The following NAGK variants were observed in gnomAD, a reference collection of about 807,000 sequenced individuals.
NAGK encodes N-acetyl-D-glucosamine kinase.
Under a neutral mutation model 42.9 loss-of-function variants are expected in NAGK, and 35 were observed. The ratio of observed to expected loss-of-function variants is 0.82; its 90% CI spans 0.62 to 1.08. The LOEUF (loss-of-function observed/expected upper bound fraction) is 1.08. Ranked by LOEUF, NAGK falls within the 50% of genes least tolerant of loss-of-function variation. The pLI is 0.00. For synonymous variants in NAGK, 172 were observed against 176.0 expected, an observed-to-expected ratio of 0.98 and a Z score of 0.18; for missense variants, 446 against 446.0, an observed-to-expected ratio of 1.00 and a Z score of 0.00.
At chr2:71,068,535 C>T (rs1347950283), upstream of NAGK, 2 of 1,466,298 alleles carry the variant, frequency 1.4e-6, no homozygotes, top group South Asian at 1.3e-5. Flanking sequence ...TACCGGCGCC[C>T]CGCCCCGCGC....
chr2:71,076,751 C>G, intron 8 of NAGK, 50 bp downstream of exon 8: 1 of 1,480,896 alleles, frequency 6.8e-7, no homozygotes, highest in East Asian at 2.3e-5. Context: ...GAGGAGTGGT[C>G]CTTTCCCACT....
Position 71,075,620 on chromosome 2 carries a change from G to T in NAGK, c.645G>T (p.Gly215=). The part of the protein sequence containing the change: ...YRDFDKCRFA[G]FCRKIAEGAQ... Reference sequence around the variant, plus strand: ...ACTTTGATAAATGCAGGTTTGCTGGGTTTTGCCGGAAAATTGCAGAAGGTA... The same window carrying T: ...ACTTTGATAAATGCAGGTTTGCTGGTTTTTGCCGGAAAATTGCAGAAGGTA... The change falls in exon 7 of 10, where the codon GGG becomes GGT. Residue 215 remains glycine (G), a synonymous_variant. Coordinates refer to ENST00000244204, the MANE Select transcript of NAGK (RefSeq NM_017567.6). 6.2e-7 allele frequency: 1 copy of T among 1,608,032 alleles called. No homozygotes were observed. Among genetic ancestry groups the T allele is most frequent in the Non-Finnish European group, 8.5e-7 (1 of 1,174,840 alleles).
Position 71,073,569 on chromosome 2 carries a change from A to G in NAGK, c.554A>G (p.Lys185Arg), listed in dbSNP as rs765136125. 3.7e-5 allele frequency: 60 copies of G among 1,613,938 alleles called. No homozygotes were observed. Among genetic ancestry groups the G allele is most frequent in the Non-Finnish European group, 5.0e-5 (59 of 1,179,792 alleles). The change falls in exon 6 of 10, where the codon AAA (lysine) becomes AGA (arginine). Residue 185 changes from lysine to arginine, a missense_variant. Lys to Arg is a conservative substitution (Grantham distance 26). Transcript: ENST00000244204. ...GCTCCTCATGATATCGGCTACGTCA[A>G]ACAGGCCATGTTCCACTATTTCCAG... ...EAAPHDIGYVKQAMFHYFQVP... is the reference protein window; with the variant it reads ...EAAPHDIGYVRQAMFHYFQVP...
intron 7 of NAGK, 59 bp downstream of exon 7, chr2:71,075,701 G>A: frequency 6.7e-7 from 1 of 1,490,354 alleles, no homozygotes; most frequent in Non-Finnish European, 9.3e-7. Flanking sequence ...CCCCAGTTGG[G>A]AGATTGAGTG....
At position 71,073,558 on chromosome 2, in the gene NAGK, C is replaced by T. The variant is rs750520620; in HGVS notation, c.543C>T (p.Ile181=). 22 of 1,613,948 alleles carry T rather than the reference C, an allele frequency of 1.4e-5. No homozygotes were observed. Among genetic ancestry groups the T allele is most frequent in the Admixed American group, 5.0e-5 (3 of 59,996 alleles). Residue 181 remains isoleucine (I), a synonymous_variant, in exon 6 of 10, where the codon ATC becomes ATT. Transcript: ENST00000244204. The stretch of plus-strand genomic sequence containing the variant: ...ACCTAGAGGCGGCTCCTCATGATAT[C>T]GGCTACGTCAAACAGGCCATGTTCC... ...IDNLEAAPHD[I]GYVKQAMFHY...
chr2:71,076,004 T>G, intron 7 of NAGK: 1 of 278,872 alleles, frequency 3.6e-6, no homozygotes, highest in Admixed American at 4.6e-5. Flanking sequence ...GTTAGGCATA[T>G]TTTGTTGGGT....
chr2:71,073,737 A>G, intron 6 of NAGK, 143 bp downstream of exon 6: 1 of 735,836 alleles, frequency 1.4e-6, no homozygotes, highest in Non-Finnish European at 2.4e-6. Context: ...GTGAAGTCAT[A>G]GGTGAGGACA....
intron 4 of NAGK, 109 bp downstream of exon 4, chr2:71,071,936 T>TA (rs1250803548): frequency 7.3e-7 from 1 of 1,376,462 alleles, no homozygotes; most frequent in Non-Finnish European, 9.9e-7. Flanking sequence ...CAGCCACTCT[T>TA]ATATTCCCCT....
At chr2:71,068,538 C>G, upstream of NAGK, 1 of 1,470,344 alleles carries the variant, frequency 6.8e-7, no homozygotes, top group South Asian at 1.3e-5. Flanking sequence ...CGGCGCCCCG[C>G]CCCGCGCATG....
chr2:71,072,561 T>C, intron 4 of NAGK, 80 bp from the exon 5 acceptor site: 1 of 1,218,416 alleles, frequency 8.2e-7, no homozygotes, highest in South Asian at 1.3e-5. Flanking sequence ...GGCTGTTTTC[T>C]GTCCTGTCTT....
intron 5 of NAGK, chr2:71,073,109 C>T: frequency 2.2e-6 from 1 of 452,782 alleles, no homozygotes; most frequent in South Asian, 2.1e-5. Flanking sequence ...GAAGCCCTTC[C>T]AACATCACCT....
intron 3 of NAGK, chr2:71,071,045 G>A: frequency 1.8e-6 from 1 of 567,978 alleles, no homozygotes; most frequent in Non-Finnish European, 3.2e-6. Context: ...CAGGGCTTTG[G>A]AGAGCTGCTG....
At chr2:71,068,856 A>G in intron 1 of NAGK, 144 bp downstream of exon 1, 1 of 1,377,464 alleles carries the variant, frequency 7.3e-7, no homozygotes, top group Non-Finnish European at 9.3e-7. Context: ...GTGCACGCGC[A>G]GGGGCGCCCT....
chr2:71,072,331 A>G, intron 4 of NAGK: 1 of 400,150 alleles, frequency 2.5e-6, no homozygotes, highest in East Asian at 5.4e-5. Context: ...GAACGGGTCT[A>G]GCACAATCCC....
At chr2:71,069,025 C>G (rs1671898165) in intron 1 of NAGK, 1 of 1,129,640 alleles carries the variant, frequency 8.9e-7, no homozygotes, top group Non-Finnish European at 1.1e-6. Flanking sequence ...TTTTCCTATT[C>G]CTGACCTCGG....
At chr2:71,075,825 C>T (rs538472290) in intron 7 of NAGK, 183 bp downstream of exon 7, 14 of 602,536 alleles carry the variant, frequency 2.3e-5, no homozygotes, top group Non-Finnish European at 6.0e-6. Flanking sequence ...GCACGTGGGT[C>T]GTGTTGACAG....
In NAGK at chr2:71,071,719, G is replaced by T. The variant is rs200297031; in HGVS notation, c.247G>T (p.Ala83Ser). 1.2e-6 allele frequency: 2 copies of T among 1,613,872 alleles called. No homozygotes were observed. ...TCTGAGCGGTGGGGACCAGGAGGAC[G>T]CGGGGAGGATCCTGATCGAGGAGCT... is the stretch of plus-strand genomic sequence containing the variant. ...LSLSGGDQED[A>S]GRILIEELRD... Residue 83 changes from alanine to serine, a missense_variant, in exon 4 of 10, where the codon GCG (alanine) becomes TCG (serine). Transcript: ENST00000244204.
chr2:71,068,508 C>G (rs895961113), upstream of NAGK: 6 of 1,434,062 alleles, frequency 4.2e-6, no homozygotes, highest in South Asian at 1.4e-5. Flanking sequence ...CTGAGGGACG[C>G]AGCCATCCCC....
At chr2:71,071,234 C>T in intron 3 of NAGK, 2 of 286,822 alleles carry the variant, frequency 7.0e-6, no homozygotes, top group Non-Finnish European at 1.4e-5. Context: ...GAGCCTGACC[C>T]ATAAGCACTC....
Sources: allele counts gnomAD v4.1 joint callset, GRCh38; gene constraint gnomAD v4.1.1; transcripts MANE v1.5; gene names NCBI Gene and HGNC (gene_info 2026-07-23, HGNC 2026-07-21).